Variants in CNTN5 observed in about 807,000 individuals in gnomAD.
The protein encoded by CNTN5 is contactin-5.
In CNTN5, 77 loss-of-function variants were observed where a neutral mutation model predicts 129.1. The ratio of observed to expected loss-of-function variants is 0.60; its 90% confidence interval spans 0.50 to 0.72. The LOEUF is 0.72. Among genes scored for constraint, CNTN5 ranks in the 30% least tolerant of loss-of-function variants. CNTN5 has a pLI of 0.00. For missense variants in CNTN5, 1,478 were observed against 1,328.8 expected, an observed-to-expected ratio of 1.11 and a Z score of -1.75; for synonymous variants, 509 against 465.6, an observed-to-expected ratio of 1.09 and a Z score of -1.20.
rs1211713407 is a variant in CNTN5 at position 99,623,831 on chromosome 11, T to C, written c.55+67562T>C. ...ATACTATTTGATTTATAAATTGATA[T>C]TGGGGTGCGTAGTAACCTGGATAGC... On this transcript the variant is annotated intron_variant, in intron 3 of 24. Transcript: ENST00000524871. Among the ~76,000 whole-genome samples the C allele has an allele frequency of 3.3e-5, 5 of 152,050 alleles. No individual in the cohort carries two copies. The East Asian group carries it at 5.8e-4, about 18-fold the overall frequency.
chr11:99,548,848 C>T (rs1948385330), intron 2 of CNTN5, among the ~76,000 whole-genome samples: 2 of 152,042 alleles, frequency 1.3e-5, no homozygotes, highest in South Asian at 4.1e-4. Context: ...TTGGATTTCT[C>T]TGGTCTTTAA....
intron 15 of CNTN5, among the ~76,000 whole-genome samples, chr11:100,195,590 C>A (rs969460778): frequency 7.5e-6 from 1 of 132,532 alleles, no homozygotes; most frequent in Non-Finnish European, 1.6e-5. Flanking sequence ...TAACAATAAA[C>A]TCTGAGATAG....
chr11:99,423,404 C>T (rs1309830586), intron 2 of CNTN5, among the ~76,000 whole-genome samples: 2 of 152,104 alleles, frequency 1.3e-5, no homozygotes, highest in Admixed American at 6.5e-5. Flanking sequence ...GCTCCTTGGT[C>T]GTTGAGAAAG....
intron 3 of CNTN5, among the ~76,000 whole-genome samples, chr11:99,652,373 A>G (rs1591426410): frequency 6.6e-6 from 1 of 152,178 alleles, no homozygotes; most frequent in African/African-American, 2.4e-5. Flanking sequence ...ACCATCATCT[A>G]TACTATCTAT....
chr11:99,118,170 A>C (rs1858130741), intron 1 of CNTN5, among the ~76,000 whole-genome samples: 1 of 152,176 alleles, frequency 6.6e-6, no homozygotes, highest in African/African-American at 2.4e-5. Flanking sequence ...GAAACAATCT[A>C]AATCTATTTG....
chr11:99,567,343 C>T (rs984641314), intron 3 of CNTN5, among the ~76,000 whole-genome samples: 1 of 149,690 alleles, frequency 6.7e-6, no homozygotes, highest in Non-Finnish European at 1.5e-5. Context: ...AGCTGTATTG[C>T]TTTAAAAACA....
intron 2 of CNTN5, among the ~76,000 whole-genome samples, chr11:99,510,737 C>T (rs1946804038): frequency 6.6e-6 from 1 of 152,130 alleles, no homozygotes; most frequent in Non-Finnish European, 1.5e-5. Flanking sequence ...AACTATTGGA[C>T]TGCCAGTTAC....
intron 21 of CNTN5, chr11:100,308,707 A>G (rs1333125908): frequency 9.1e-7 from 1 of 1,101,918 alleles, no homozygotes; most frequent in Non-Finnish European, 1.1e-6. Context: ...AAGATGAAAT[A>G]GAGTTTTAGA....
chr11:100,348,581 C>A, intron 23 of CNTN5, among the ~76,000 whole-genome samples: 1 of 151,998 alleles, frequency 6.6e-6, no homozygotes, highest in East Asian at 1.9e-4. Context: ...ACACTGTCCT[C>A]TAAAATAATC....
chr11:100,045,862 T>C (rs890445470), intron 9 of CNTN5, among the ~76,000 whole-genome samples: 1 of 152,102 alleles, frequency 6.6e-6, no homozygotes, highest in Admixed American at 6.6e-5. Context: ...CCCACCAAAA[T>C]TGATAATTGA....
At chr11:99,270,146 AT>A (rs1375262377) in intron 1 of CNTN5, among the ~76,000 whole-genome samples, 6 of 151,772 alleles carry the variant, frequency 4.0e-5, no homozygotes, top group African/African-American at 1.5e-4. Flanking sequence ...TTTGTGTTTT[AT>A]TTCATTTTTA....
At chr11:100,225,926 G>A (rs72985608) in intron 16 of CNTN5, among the ~76,000 whole-genome samples, 3,099 of 152,118 alleles carry the variant, frequency 0.02, 47 homozygotes, top group Non-Finnish European at 0.032. Flanking sequence ...ATATATCACC[G>A]AATGTATATG....
intron 15 of CNTN5, among the ~76,000 whole-genome samples, chr11:100,213,932 A>G (rs1949085946): frequency 6.6e-6 from 1 of 152,148 alleles, no homozygotes; most frequent in South Asian, 2.1e-4. Flanking sequence ...AAGCATCAGA[A>G]ACTTTCAAAG....
intron 10 of CNTN5, 102 bp from the exon 11 acceptor site, chr11:100,070,322 T>C: frequency 4.9e-6 from 6 of 1,236,514 alleles, no homozygotes; most frequent in Non-Finnish European, 5.6e-6. Flanking sequence ...GTTGAATGAA[T>C]TGCTTTTAAA....
intron 3 of CNTN5, among the ~76,000 whole-genome samples, chr11:99,612,924 A>G (rs1382433495): frequency 1.3e-5 from 2 of 152,192 alleles, no homozygotes; most frequent in African/African-American, 2.4e-5. Context: ...AGGAACTGAG[A>G]GCACTGGACC....
chr11:99,293,310 A>T (rs1157747256), intron 1 of CNTN5, among the ~76,000 whole-genome samples: 1 of 152,132 alleles, frequency 6.6e-6, no homozygotes, highest in Non-Finnish European at 1.5e-5. Flanking sequence ...TCTTTTTAAC[A>T]TGTTGCTGAA....
chr11:99,866,253 T>C lies in CNTN5; in HGVS notation c.577+20991T>C, dbSNP rs57199080. ...TTTTTCCCCCAGCACTCAGAGAATT[T>C]GGGGAATGACACAACTCAGTAGTTA... is the stretch of plus-strand genomic sequence containing the variant. On this transcript the variant is annotated intron_variant, in intron 6 of 24. Coordinates refer to ENST00000524871, the MANE Select transcript of CNTN5 (RefSeq NM_014361.4). Among the ~76,000 whole-genome samples the C allele has an allele frequency of 8.6e-3, 1,303 of 152,294 alleles. 21 individuals are homozygous for C. The highest frequency in any genetic ancestry group is 0.03 in the African/African-American group (1,250 of 41,570).
At chr11:99,248,981 G>A (rs1861960501) in intron 1 of CNTN5, among the ~76,000 whole-genome samples, 1 of 152,024 alleles carries the variant, frequency 6.6e-6, no homozygotes, top group African/African-American at 2.4e-5. Context: ...CTTGAAAGTA[G>A]TTTTTTTCCA....
At chr11:100,233,962 A>C (rs1197058434) in intron 16 of CNTN5, among the ~76,000 whole-genome samples, 2 of 152,058 alleles carry the variant, frequency 1.3e-5, no homozygotes, top group Admixed American at 1.3e-4. Flanking sequence ...TACAAGAAAA[A>C]AACAACCCCA....
Sources: allele counts gnomAD v4.1 joint callset (sites outside exome capture counted in the v4.1 genomes callset), GRCh38; gene constraint gnomAD v4.1.1; transcripts MANE v1.5; gene names NCBI Gene and HGNC (gene_info 2026-07-23, HGNC 2026-07-21).